The following RSRC1 variants were observed in gnomAD, a reference collection of about 807,000 sequenced individuals.
RSRC1 encodes the protein serine/Arginine-related protein 53.
In RSRC1, 39 loss-of-function variants were observed where a neutral mutation model predicts 49.1. That is an observed-to-expected ratio of 0.79 (90% CI 0.61 to 1.04). The LOEUF is 1.04. Among genes scored for constraint, RSRC1 ranks in the 50% least tolerant of loss-of-function variants. The probability of loss-of-function intolerance (pLI) is 0.00; values close to 1 mark genes in which losing one functional copy is unlikely to be tolerated. For missense variants in RSRC1, 388 were observed against 402.4 expected (o/e 0.96, Z 0.31); for synonymous variants, 143 against 130.8 (o/e 1.09, Z -0.63).
intron 4 of RSRC1, among the ~76,000 whole-genome samples, chr3:158,208,032 G>T (rs1721446234): frequency 6.6e-6 from 1 of 152,020 alleles, no homozygotes; most frequent in Non-Finnish European, 1.5e-5. Flanking sequence ...AAACTGGAAA[G>T]GTCTCAGGAG....
chr3:158,163,494 A>G (rs1414113654), intron 3 of RSRC1, among the ~76,000 whole-genome samples: 6 of 152,168 alleles, frequency 3.9e-5, no homozygotes, highest in African/African-American at 9.7e-5. Context: ...CAGCAAAACT[A>G]CTGTTCTCAT....
chr3:158,283,704 A>G (rs1237783038), intron 4 of RSRC1, among the ~76,000 whole-genome samples: 1 of 152,120 alleles, frequency 6.6e-6, no homozygotes, highest in Admixed American at 6.5e-5. Context: ...TGTCATTGGG[A>G]TAAACTTAGA....
chr3:158,247,154 T>G (rs1352607374), intron 4 of RSRC1, among the ~76,000 whole-genome samples: 1 of 152,194 alleles, frequency 6.6e-6, no homozygotes, highest in Non-Finnish European at 1.5e-5. Flanking sequence ...ATTTCTTTCC[T>G]CCACTTGGTC....
intron 5 of RSRC1, among the ~76,000 whole-genome samples, chr3:158,351,587 T>C (rs1261929147): frequency 6.6e-6 from 1 of 152,116 alleles, no homozygotes; most frequent in Non-Finnish European, 1.5e-5. Context: ...GTCAAGTGTA[T>C]TATTTTGGAC....
intron 7 of RSRC1, among the ~76,000 whole-genome samples, chr3:158,469,172 T>G (rs1255569777): frequency 6.6e-6 from 1 of 152,138 alleles, no homozygotes; most frequent in Non-Finnish European, 1.5e-5. Flanking sequence ...ATATCATCTA[T>G]ATGAGGGAAA....
intron 5 of RSRC1, among the ~76,000 whole-genome samples, chr3:158,337,291 T>C (rs1206111549): frequency 6.6e-6 from 1 of 152,210 alleles, no homozygotes; most frequent in Non-Finnish European, 1.5e-5. Context: ...TCATCTGCAC[T>C]TCCAACTAAA....
At chr3:158,540,163 T>C (rs976130850) in intron 8 of RSRC1, among the ~76,000 whole-genome samples, 1 of 152,132 alleles carries the variant, frequency 6.6e-6, no homozygotes, top group Admixed American at 6.6e-5. Flanking sequence ...ATGTTCTCAG[T>C]TGTGTAAAGG....
At chr3:158,259,351 G>C (rs1361367314) in intron 4 of RSRC1, among the ~76,000 whole-genome samples, 1 of 152,112 alleles carries the variant, frequency 6.6e-6, no homozygotes, top group Admixed American at 6.6e-5. Context: ...CTACTTTGGT[G>C]GTCTTTGGTA....
intron 5 of RSRC1, among the ~76,000 whole-genome samples, chr3:158,327,234 T>G (rs1036123257): frequency 5.3e-4 from 81 of 152,348 alleles, no homozygotes; most frequent in African/African-American, 1.9e-3. Flanking sequence ...TCTATCTCCT[T>G]CAGTTCTTCT....
intron 4 of RSRC1, among the ~76,000 whole-genome samples, chr3:158,289,654 A>G (rs1726796790): frequency 6.6e-6 from 1 of 152,218 alleles, no homozygotes; most frequent in East Asian, 1.9e-4. Flanking sequence ...CTAATTTGCA[A>G]GGTGTTCGCC....
chr3:158,287,106 G>T (rs1185868945), intron 4 of RSRC1, among the ~76,000 whole-genome samples: 1 of 152,168 alleles, frequency 6.6e-6, no homozygotes, highest in Non-Finnish European at 1.5e-5. Context: ...GATTACAGGC[G>T]TGAGTCACTG....
At chr3:158,477,419 A>C (rs1430961099) in intron 7 of RSRC1, among the ~76,000 whole-genome samples, 3 of 152,136 alleles carry the variant, frequency 2.0e-5, no homozygotes, top group Non-Finnish European at 4.4e-5. Flanking sequence ...ACTAGCCTTC[A>C]GTGACCACCA....
chr3:158,422,047 G>T (rs1322126664), intron 6 of RSRC1, among the ~76,000 whole-genome samples: 1 of 139,372 alleles, frequency 7.2e-6, no homozygotes, highest in African/African-American at 2.7e-5. Context: ...AAACTAAGTC[G>T]GGAGAAGTTT....
At chr3:158,174,247 A>G (rs2108242218) in intron 3 of RSRC1, among the ~76,000 whole-genome samples, 1 of 152,084 alleles carries the variant, frequency 6.6e-6, no homozygotes, top group African/African-American at 2.4e-5. Flanking sequence ...TATTTTTTTA[A>G]TGAGTTGAGC....
chr3:158,461,739 C>T (rs1218203935), intron 7 of RSRC1, among the ~76,000 whole-genome samples: 2 of 151,782 alleles, frequency 1.3e-5, no homozygotes, highest in Non-Finnish European at 2.9e-5. Context: ...TGGCTAATTT[C>T]ACAGGGTAGC....
intron 5 of RSRC1, among the ~76,000 whole-genome samples, chr3:158,348,026 A>C (rs1730654672): frequency 6.6e-6 from 1 of 152,172 alleles, no homozygotes; most frequent in African/African-American, 2.4e-5. Context: ...CCTCTGTGTT[A>C]CAAACAATTT....
At chr3:158,513,133 G>C (rs62287892) in intron 7 of RSRC1, among the ~76,000 whole-genome samples, 72,693 of 144,160 alleles carry the variant, frequency 0.5, 18,891 homozygotes, top group African/African-American at 0.61. Flanking sequence ...ATTGCCCTGG[G>C]CAGCACTTCC....
chr3:158,326,679 G>A (rs1406312858), intron 5 of RSRC1, among the ~76,000 whole-genome samples: 2 of 152,050 alleles, frequency 1.3e-5, no homozygotes, highest in Non-Finnish European at 2.9e-5. Flanking sequence ...AGGGATAATG[G>A]TTTAAATTCT....
chr3:158,536,927 G>A (rs539911823), intron 7 of RSRC1, among the ~76,000 whole-genome samples, 165 bp from the exon 8 acceptor site: 3 of 151,562 alleles, frequency 2.0e-5, no homozygotes, highest in African/African-American at 4.8e-5. Context: ...TAGTTCATAG[G>A]AATGTTATAT....
Sources: allele counts gnomAD v4.1 joint callset (sites outside exome capture counted in the v4.1 genomes callset), GRCh38; gene constraint gnomAD v4.1.1; transcripts MANE v1.5; gene names NCBI Gene and HGNC (gene_info 2026-07-23, HGNC 2026-07-21).